The following CNTNAP2 variants were observed in gnomAD, a reference collection of about 807,000 sequenced individuals.
CNTNAP2 encodes the protein contactin associated protein 2, also known as contactin-associated protein-like 2.
In CNTNAP2, 98 loss-of-function variants were observed where a neutral mutation model predicts 155.2. That is an observed-to-expected ratio of 0.63 (90% confidence interval 0.54 to 0.75). The LOEUF (loss-of-function observed/expected upper bound fraction) is 0.75, where lower values mean the gene tolerates loss of function less well. Among genes scored for constraint, CNTNAP2 ranks in the 30% least tolerant of loss-of-function variants. The pLI, the probability that CNTNAP2 is intolerant of heterozygous loss-of-function variation, is 0.00. For synonymous variants in CNTNAP2, 651 were observed against 631.2 expected, an observed-to-expected ratio of 1.03 and a Z score of -0.47; for missense variants, 1,727 against 1,688.1, an observed-to-expected ratio of 1.02 and a Z score of -0.40.
chr7:147,577,441 C>A (rs1259454353), intron 12 of CNTNAP2, among the ~76,000 whole-genome samples: 2 of 151,900 alleles, frequency 1.3e-5, no homozygotes, highest in East Asian at 3.9e-4. Flanking sequence ...CAAGATGAAC[C>A]AAAATATGGA....
chr7:148,131,550 G>T (rs1563209546), intron 16 of CNTNAP2, among the ~76,000 whole-genome samples: 2 of 152,148 alleles, frequency 1.3e-5, no homozygotes. Context: ...AGAAATCAAA[G>T]AAGTTTGAAT....
At chr7:146,349,863 T>C (rs1474343995) in intron 1 of CNTNAP2, among the ~76,000 whole-genome samples, 3 of 152,330 alleles carry the variant, frequency 2.0e-5, no homozygotes, top group South Asian at 2.1e-4. Flanking sequence ...GGTTTCCCTT[T>C]GCAGGTAACC....
intron 3 of CNTNAP2, among the ~76,000 whole-genome samples, chr7:146,863,591 A>G (rs1254824531): frequency 1.3e-5 from 2 of 152,068 alleles, no homozygotes; most frequent in African/African-American, 4.8e-5. Context: ...GAATTAGAAG[A>G]CTTGAATGAA....
intron 3 of CNTNAP2, among the ~76,000 whole-genome samples, chr7:146,918,606 A>G (rs1323948341): frequency 1.3e-5 from 2 of 152,136 alleles, no homozygotes; most frequent in Non-Finnish European, 2.9e-5. Flanking sequence ...CTCACAACTT[A>G]TAAGATTATT....
intron 18 of CNTNAP2, among the ~76,000 whole-genome samples, chr7:148,175,510 T>A (rs140311441): frequency 6.6e-6 from 1 of 152,302 alleles, no homozygotes; most frequent in African/African-American, 2.4e-5. Context: ...ACAATGCATT[T>A]GTTAAATCTC....
At chr7:148,116,230 A>AT (rs545310411) in intron 15 of CNTNAP2, among the ~76,000 whole-genome samples, 1 of 152,056 alleles carries the variant, frequency 6.6e-6, no homozygotes, top group Non-Finnish European at 1.5e-5. Context: ...TTACAAACAT[A>AT]TTTTGCACTA....
At chr7:148,040,856 A>T in intron 15 of CNTNAP2, among the ~76,000 whole-genome samples, 1 of 130,594 alleles carries the variant, frequency 7.7e-6, no homozygotes, top group Non-Finnish European at 1.7e-5. Flanking sequence ...TTTTTTTAAG[A>T]GGCAGCTGGG....
At chr7:147,855,887 C>G (rs370487110) in intron 13 of CNTNAP2, among the ~76,000 whole-genome samples, 1 of 152,086 alleles carries the variant, frequency 6.6e-6, no homozygotes, top group Non-Finnish European at 1.5e-5. Flanking sequence ...CTGCCCATGT[C>G]GATTTGAACA....
At chr7:148,044,379 C>T (rs911440174) in intron 15 of CNTNAP2, among the ~76,000 whole-genome samples, 2 of 152,068 alleles carry the variant, frequency 1.3e-5, no homozygotes, top group African/African-American at 2.4e-5. Flanking sequence ...GTCCCACAAA[C>T]AGGAAAACCT....
chr7:146,657,328 A>G lies in CNTNAP2; in HGVS notation c.98-116943A>G, dbSNP rs564415666. The stretch of plus-strand genomic sequence containing the variant: ...AATGTGGTCTCGCATTGATATGGAA[A>G]GTTTGCTTTTGTAGATTTAACTTAT... On this transcript the variant is annotated intron_variant, in intron 1 of 23. Transcript: ENST00000361727. 2.0e-5 allele frequency among the ~76,000 whole-genome samples: 3 copies of G among 152,296 alleles called. No individual in the cohort carries two copies. In the South Asian group the frequency reaches 6.2e-4, roughly 32 times the overall value.
intron 3 of CNTNAP2, among the ~76,000 whole-genome samples, chr7:146,908,674 C>G (rs1271159947): frequency 8.6e-4 from 112 of 129,742 alleles, no homozygotes; most frequent in East Asian, 4.3e-3. Context: ...AAATTTATAG[C>G]ACTAAATGCC....
chr7:147,416,053 T>C (rs376087956), intron 10 of CNTNAP2, among the ~76,000 whole-genome samples: 14 of 152,238 alleles, frequency 9.2e-5, no homozygotes, highest in African/African-American at 2.7e-4. Flanking sequence ...TCTCTGCTTA[T>C]AGTTTTTGCA....
At chr7:147,623,431 C>CA (rs1381579515) in intron 12 of CNTNAP2, among the ~76,000 whole-genome samples, 1 of 151,952 alleles carries the variant, frequency 6.6e-6, no homozygotes, top group African/African-American at 2.4e-5. Flanking sequence ...AATCAACATA[C>CA]AAAAACCAGT....
chr7:147,867,205 TG>T (rs1799246081), intron 13 of CNTNAP2, among the ~76,000 whole-genome samples: 2 of 152,206 alleles, frequency 1.3e-5, no homozygotes, highest in South Asian at 4.1e-4. Flanking sequence ...GCTTCACTTA[TG>T]AAGCTTATTT....
Position 147,619,743 on chromosome 7 carries a change from C to T in CNTNAP2, c.1898-19363C>T, listed in dbSNP as rs547875282. Among the ~76,000 whole-genome samples, 5 of 152,288 alleles carry T rather than the reference C, an allele frequency of 3.3e-5. No homozygotes were observed. In the South Asian group the frequency reaches 1.0e-3, roughly 32 times the overall value. On this transcript the variant is annotated intron_variant, in intron 12 of 23. Coordinates refer to ENST00000361727, the MANE Select transcript of CNTNAP2 (RefSeq NM_014141.6). ...TGGCAACTCTGGACCTACCTGGGAC[C>T]TCGGGTGACTCGCCACCCTGAAGGG...
intron 4 of CNTNAP2, among the ~76,000 whole-genome samples, chr7:147,065,271 A>G (rs1442049750): frequency 3.9e-5 from 6 of 152,184 alleles, no homozygotes; most frequent in Non-Finnish European, 5.9e-5. Flanking sequence ...TGTCTTGCAC[A>G]TAGTAATTAT....
At position 148,294,196 on chromosome 7, in the gene CNTNAP2, A is replaced by G. The variant is rs1161666407; in HGVS notation, c.3475+27070A>G. On this transcript the variant is annotated intron_variant, in intron 21 of 23. Coordinates refer to ENST00000361727, the MANE Select transcript of CNTNAP2 (RefSeq NM_014141.6). Reference sequence around the variant, plus strand: ...GCCAATATTATATTATAACCTCTCCATTCTCAGAAGGCACGCTGGCACCCA... The same window carrying G: ...GCCAATATTATATTATAACCTCTCCGTTCTCAGAAGGCACGCTGGCACCCA... 3.3e-5 allele frequency among the ~76,000 whole-genome samples: 5 copies of G among 152,022 alleles called. No homozygotes were observed. The East Asian group carries it at 9.6e-4, about 29-fold the overall frequency.
At chr7:147,478,511 T>C (rs913170333) in intron 10 of CNTNAP2, among the ~76,000 whole-genome samples, 1 of 152,174 alleles carries the variant, frequency 6.6e-6, no homozygotes, top group Admixed American at 6.5e-5. Flanking sequence ...CAGAATTATA[T>C]TTCTCTGTCA....
intron 1 of CNTNAP2, among the ~76,000 whole-genome samples, chr7:146,180,211 A>C (rs1798530096): frequency 6.6e-6 from 1 of 152,168 alleles, no homozygotes; most frequent in African/African-American, 2.4e-5. Flanking sequence ...CTTAGGATTT[A>C]AGTAGCCTAG....
Sources: allele counts gnomAD v4.1 joint callset (sites outside exome capture counted in the v4.1 genomes callset), GRCh38; gene constraint gnomAD v4.1.1; transcripts MANE v1.5; gene names NCBI Gene and HGNC (gene_info 2026-07-23, HGNC 2026-07-21).